Variants in POLR3H observed in about 807,000 individuals in gnomAD.
POLR3H encodes the protein RNA polymerase III subunit H, also known as DNA-directed RNA polymerase III subunit RPC8.
A neutral mutation model predicts 25.5 loss-of-function variants in POLR3H; 17 were observed. That is an observed-to-expected ratio of 0.67 (90% CI 0.46 to 1.00). The LOEUF (loss-of-function observed/expected upper bound fraction) is 1.00, where lower values mean the gene tolerates loss of function less well. Ranked by LOEUF, POLR3H falls within the 50% of genes least tolerant of loss-of-function variation. The pLI is 0.00. For missense variants in POLR3H, 274 were observed against 265.0 expected, an observed-to-expected ratio of 1.03 and a Z score of -0.24; for synonymous variants, 129 against 103.0, an observed-to-expected ratio of 1.25 and a Z score of -1.53.
rs774733302 is a variant in POLR3H at position 41,528,466 on chromosome 22, C to T, written c.*817G>A. ...ACCCACCACTTCCACCCACACCCAC[C>T]TTCTCCTTGCAGCCCCTGAAGTGCA... is the stretch of plus-strand genomic sequence containing the variant. On this transcript the variant is annotated 3_prime_UTR_variant, in exon 6 of 6. Transcript: ENST00000355209. The T allele has an allele frequency of 1.2e-6, 2 of 1,611,486 alleles. No individual in the cohort carries two copies. Among genetic ancestry groups the T allele is most frequent in the Non-Finnish European group, 1.7e-6 (2 of 1,179,696 alleles).
intron 1 of POLR3H, among the ~76,000 whole-genome samples, chr22:41,542,542 G>C (rs904481685): frequency 6.6e-6 from 1 of 152,036 alleles, no homozygotes; most frequent in Non-Finnish European, 1.5e-5. Flanking sequence ...AAAGCTGCAG[G>C]TCCCCTCATT....
intron 2 of POLR3H, among the ~76,000 whole-genome samples, chr22:41,535,564 C>T (rs948956833): frequency 1.1e-4 from 16 of 152,224 alleles, no homozygotes; most frequent in African/African-American, 3.4e-4. Flanking sequence ...CAGTGGCTCA[C>T]GCCTGTAATC....
Position 41,529,243 on chromosome 22 carries a change from C to T in POLR3H, c.*40G>A, listed in dbSNP as rs373783157. 4.2e-5 allele frequency: 67 copies of T among 1,583,784 alleles called. 1 individual carries two copies. In the Middle Eastern group the frequency reaches 1.4e-3, roughly 32 times the overall value. On this transcript the variant is annotated 3_prime_UTR_variant, in exon 6 of 6. Coordinates refer to ENST00000355209, the MANE Select transcript of POLR3H (RefSeq NM_001018050.4). Reference sequence around the variant, plus strand: ...TTGTCTTCACAGCCGGCCATACCACCTTCCCGCAGGCTGGTAGGGTCCACT... The same window carrying T: ...TTGTCTTCACAGCCGGCCATACCACTTTCCCGCAGGCTGGTAGGGTCCACT...
intron 2 of POLR3H, 34 bp from the exon 3 acceptor site, chr22:41,532,779 C>T (rs752285029): frequency 1.2e-6 from 2 of 1,606,256 alleles, no homozygotes; most frequent in South Asian, 1.1e-5. Context: ...GTGATGCTGA[C>T]CGGGGCCCCA....
chr22:41,529,955 C>T (rs2146168454), intron 5 of POLR3H, among the ~76,000 whole-genome samples: 1 of 152,006 alleles, frequency 6.6e-6, no homozygotes, highest in South Asian at 2.1e-4. Context: ...TGGGGTTTCA[C>T]CGTGTTAGCC....
Position 41,528,218 on chromosome 22 carries a change from C to T in POLR3H, c.*1065G>A. The T allele has an allele frequency of 1.1e-6, 1 of 899,090 alleles. No individual in the cohort carries two copies. The highest frequency in any genetic ancestry group is 3.5e-4 in the Middle Eastern group (1 of 2,866). 55.7% of individuals were successfully genotyped at this position (899,090 alleles called of 1,614,324 possible). On this transcript the variant is annotated 3_prime_UTR_variant, in exon 6 of 6. Transcript: ENST00000355209. ...GGTTGGAGTCAACCCGGGGCCCTCA[C>T]ACCTCCCCAACCTCCCTTTACTCAC...
chr22:41,531,980 C>T, intron 4 of POLR3H, 114 bp downstream of exon 4: 9 of 892,710 alleles, frequency 1.0e-5, no homozygotes, highest in Admixed American at 1.9e-5. Flanking sequence ...GGGGCAGGCA[C>T]AGAGGCCAGT....
intron 3 of POLR3H, 81 bp downstream of exon 3, chr22:41,532,578 C>G: frequency 6.2e-7 from 1 of 1,610,174 alleles, no homozygotes; most frequent in Non-Finnish European, 8.5e-7. Context: ...CTGAGCCCTC[C>G]CCTGACCATG....
chr22:41,540,648 A>G (rs1202731293), intron 2 of POLR3H, 51 bp downstream of exon 2: 10 of 1,413,334 alleles, frequency 7.1e-6, no homozygotes, highest in Non-Finnish European at 1.0e-5. Context: ...CTTTGGCTAC[A>G]GAAAACTGAG....
rs2066756651 is a variant in POLR3H, at chr22:41,532,510, A to G, written c.295+149T>C. The G allele has an allele frequency of 2.8e-6, 4 of 1,428,200 alleles. No homozygotes were observed. In the Admixed American group the frequency reaches 6.5e-5, roughly 23 times the overall value. The allele number at this position is 1,428,200 out of a possible 1,614,324, so 88.5% of individuals were successfully genotyped here. ...GCTGATGGAGGTCCTCACACAACAC[A>G]TAAAAGGGAGGGTGGGCAAGCTTCT... On this transcript the variant is annotated intron_variant, in intron 3 of 5. Coordinates refer to ENST00000355209, the MANE Select transcript of POLR3H (RefSeq NM_001018050.4).
At chr22:41,541,847 C>T (rs1381194029) in intron 1 of POLR3H, among the ~76,000 whole-genome samples, 1 of 152,202 alleles carries the variant, frequency 6.6e-6, no homozygotes, top group Non-Finnish European at 1.5e-5. Flanking sequence ...CTAGCAACCC[C>T]CAAATCAACC....
intron 2 of POLR3H, among the ~76,000 whole-genome samples, chr22:41,535,059 A>G (rs1270411918): frequency 3.3e-5 from 5 of 152,256 alleles, no homozygotes; most frequent in South Asian, 2.1e-4. Context: ...CTCCATTCCT[A>G]TAGTTCCTCC....
rs1454645724 is a variant in POLR3H, at chr22:41,544,294, C to T, written c.-193G>A. 1.9e-6 allele frequency: 1 copy of T among 539,132 alleles called. No homozygotes were observed. The highest frequency in any genetic ancestry group is 3.3e-6 in the Non-Finnish European group (1 of 302,466). The allele number at this position is 539,132 out of a possible 1,614,324, so 33.4% of individuals were successfully genotyped here. On this transcript the variant is annotated 5_prime_UTR_variant, in exon 1 of 6. Coordinates refer to ENST00000355209, the MANE Select transcript of POLR3H (RefSeq NM_001018050.4). The stretch of plus-strand genomic sequence containing the variant: ...CTACTACAACATGAGGAAACTGAGG[C>T]CAGAGGGAGGCACTCTCCGTCCACA...
In POLR3H at chr22:41,532,724, A is replaced by C; in HGVS notation, c.230T>G (p.Phe77Cys). ...GAGAATCTCATCTAGGAATGGATGA[A>C]ACACCACGCAGCGAAAATGGACTGG... ...HTKVHFRCVV[F>C]HPFLDEILIG... The change falls in exon 3 of 6, where the codon TTT becomes TGT. Residue 77 changes from phenylalanine to cysteine, a missense_variant. Transcript: ENST00000355209. The C allele has an allele frequency of 6.2e-7, 1 of 1,614,016 alleles. No homozygotes were observed. The highest frequency in any genetic ancestry group is 2.2e-5 in the East Asian group (1 of 44,872).
intron 4 of POLR3H, 56 bp downstream of exon 4, chr22:41,532,034 ACCTT>A: frequency 6.8e-7 from 1 of 1,478,094 alleles, no homozygotes; most frequent in Non-Finnish European, 9.5e-7. Context: ...AGGAGTGGGG[ACCTT>A]CCTTTGGAGA....
Position 41,526,052 on chromosome 22 carries a change from C to A in POLR3H, c.*3231G>T, listed in dbSNP as rs540690362. 1 of 527,144 alleles carries A rather than the reference C, an allele frequency of 1.9e-6. No homozygotes were observed. Among genetic ancestry groups the A allele is most frequent in the Non-Finnish European group, 3.4e-6 (1 of 296,048 alleles). The allele number at this position is 527,144 out of a possible 1,614,324, so 32.7% of individuals were successfully genotyped here. A position where few individuals can be genotyped will look rare whatever the true frequency, so the allele number is the denominator to read the frequency against. On this transcript the variant is annotated 3_prime_UTR_variant, in exon 6 of 6. Transcript: ENST00000355209. ...ATAAGGGAGACTGAGCAGCCAGAGG[C>A]CTTTGAGGGGATGAAGGCCTGGCCT...
At chr22:41,536,672 T>C (rs550677869) in intron 2 of POLR3H, among the ~76,000 whole-genome samples, 5 of 151,386 alleles carry the variant, frequency 3.3e-5, no homozygotes, top group African/African-American at 1.2e-4. Flanking sequence ...TCAAGACTAT[T>C]CTGGCCAACA....
intron 2 of POLR3H, chr22:41,540,200 C>G (rs958545178): frequency 3.8e-6 from 1 of 264,116 alleles, no homozygotes. Context: ...TGCTGATCCC[C>G]CTTCCGTCTG....
Position 41,540,740 on chromosome 22 carries a change from T to A in POLR3H, c.167A>T (p.Asp56Val), listed in dbSNP as rs764783735. ...GCCATCCCCAGGGAATACATAGGCA[T>A]CCTCCAGTTTGGTGATATCAAACAG... is the stretch of plus-strand genomic sequence containing the variant. Reference protein sequence around the residue: ...ICLFDITKLEDAYVFPGDGAS... With the variant: ...ICLFDITKLEVAYVFPGDGAS... The change falls in exon 2 of 6, where the codon GAT (aspartate) becomes GTT (valine). Residue 56 changes from aspartate (D) to valine (V), a missense_variant. Asp to Val is a radical substitution (Grantham distance 152). Coordinates refer to ENST00000355209, the MANE Select transcript of POLR3H (RefSeq NM_001018050.4). The A allele has an allele frequency of 6.2e-7, 1 of 1,614,136 alleles. No individual in the cohort carries two copies. Among genetic ancestry groups the A allele is most frequent in the South Asian group, 1.1e-5 (1 of 91,088 alleles).
Sources: gnomAD v4.1 joint callset for allele counts (sites outside exome capture counted in the v4.1 genomes callset) on GRCh38, gnomAD v4.1.1 for gene constraint, MANE v1.5 for transcripts, NCBI Gene and HGNC (gene_info 2026-07-23, HGNC 2026-07-21) for gene names.